Variants in MAF observed in about 807,000 individuals in gnomAD.
The protein encoded by MAF is MAF bZIP transcription factor, also known as transcription factor Maf.
A neutral mutation model predicts 22.0 loss-of-function variants in MAF; 10 were observed. The ratio of observed to expected loss-of-function variants is 0.45; its 90% CI spans 0.28 to 0.77. MAF has a LOEUF of 0.77. Ranked by LOEUF, MAF falls within the 30% of genes least tolerant of loss-of-function variation. The pLI is 0.12. For missense variants in MAF, 544 were observed against 548.4 expected (o/e 0.99, Z 0.08); for synonymous variants, 337 against 255.8 (o/e 1.32, Z -3.03).
At chr16:79,208,046 G>A in the MAF span, among the ~76,000 whole-genome samples, 3 of 152,182 alleles carry the variant, frequency 2.0e-5, no homozygotes. Context: ...TGTAGTTGAA[G>A]ATTGTGCTGC....
chr16:79,593,777 ATTTT>A (rs11307570), downstream of MAF: 1 of 172,514 alleles, frequency 5.8e-6, no homozygotes, highest in East Asian at 1.0e-4. Flanking sequence ...AAAGGAGGTG[ATTTT>A]TTTTTTTTTG....
chr16:79,415,600 C>G, the MAF span, among the ~76,000 whole-genome samples: 1 of 152,096 alleles, frequency 6.6e-6, no homozygotes, highest in African/African-American at 2.4e-5. Flanking sequence ...GATCACTTTT[C>G]CTTCTGCAGC....
At chr16:79,546,015 T>C in the MAF span, among the ~76,000 whole-genome samples, 4 of 152,052 alleles carry the variant, frequency 2.6e-5, no homozygotes, top group Non-Finnish European at 4.4e-5. Context: ...TTATACACCA[T>C]AAATATATAC....
the MAF span, among the ~76,000 whole-genome samples, chr16:79,411,657 A>G: frequency 1.2e-4 from 19 of 152,172 alleles, no homozygotes; most frequent in Non-Finnish European, 1.9e-4. Context: ...GATGCCAGAC[A>G]TCTGGCCAAC....
intron 1 of MAF, chr16:79,598,469 A>AAG: frequency 7.7e-7 from 1 of 1,304,686 alleles, no homozygotes; most frequent in Non-Finnish European, 9.8e-7. Context: ...AAAAAAAAAA[A>AAG]AACAAGCTAG....
the MAF span, among the ~76,000 whole-genome samples, chr16:79,480,256 C>G: frequency 1.3e-5 from 2 of 152,110 alleles, no homozygotes; most frequent in African/African-American, 2.4e-5. Context: ...CAATTAGTAA[C>G]ACGTTGTCGG....
At chr16:79,392,278 A>G in the MAF span, among the ~76,000 whole-genome samples, 4 of 142,034 alleles carry the variant, frequency 2.8e-5, no homozygotes, top group Admixed American at 1.4e-4. Flanking sequence ...AGGAGGAGAG[A>G]AGGAAGTGGG....
At chr16:79,349,018 C>T in the MAF span, among the ~76,000 whole-genome samples, 2 of 152,294 alleles carry the variant, frequency 1.3e-5, no homozygotes, top group East Asian at 1.9e-4. Flanking sequence ...GCTCTTCCCC[C>T]AGATGTGGTG....
At chr16:79,567,470 G>A in the MAF span, among the ~76,000 whole-genome samples, 1 of 152,126 alleles carries the variant, frequency 6.6e-6, no homozygotes, top group Non-Finnish European at 1.5e-5. Context: ...CAAGGCAAGG[G>A]ATTTTTTTGT....
chr16:79,298,331 T>A, the MAF span, among the ~76,000 whole-genome samples: 1 of 152,236 alleles, frequency 6.6e-6, no homozygotes, highest in African/African-American at 2.4e-5. Context: ...CTCCTGTCTA[T>A]CCTAAGTTTT....
the MAF span, among the ~76,000 whole-genome samples, chr16:79,233,760 G>A: frequency 8.6e-5 from 13 of 151,982 alleles, 1 homozygote; most frequent in South Asian, 2.1e-4. Flanking sequence ...TTGGGAGGCC[G>A]AGGCAAGCGG....
chr16:79,283,826 C>G, the MAF span, among the ~76,000 whole-genome samples: 1 of 152,140 alleles, frequency 6.6e-6, no homozygotes, highest in African/African-American at 2.4e-5. Context: ...TGGGCAGATG[C>G]ACCTGAACTT....
At chr16:79,304,318 C>G in the MAF span, among the ~76,000 whole-genome samples, 3 of 152,290 alleles carry the variant, frequency 2.0e-5, no homozygotes, top group South Asian at 2.1e-4. Context: ...TCCTGTAACA[C>G]GGGCTAATGA....
chr16:79,594,514 G>T lies in MAF; in HGVS notation c.1158C>A (p.Tyr386Ter). 2 of 1,566,584 alleles carry T rather than the reference G, an allele frequency of 1.3e-6. No individual in the cohort carries two copies. Among genetic ancestry groups the T allele is most frequent in the East Asian group, 2.3e-5 (1 of 42,908 alleles). ...GATGCTGGGGCTTCCAAAATGTGGC[G>T]TATCCCACTGATGGCTCCAACTTGC... Reference protein sequence around the residue: ...PTRKLEPSVGYATFWKPQHRV... With the variant: ...PTRKLEPSVG Residue 386 changes from tyrosine to a stop codon, truncating the protein, a stop_gained, in exon 2 of 2, where the codon TAC becomes TAA. Coordinates refer to ENST00000326043, the MANE Select transcript of MAF (RefSeq NM_005360.5). LOFTEE classifies it high-confidence loss of function.
chr16:79,442,765 G>A, the MAF span, among the ~76,000 whole-genome samples: 1 of 152,240 alleles, frequency 6.6e-6, no homozygotes, highest in Non-Finnish European at 1.5e-5. Flanking sequence ...TGGCTGAAGA[G>A]AGGCCTTGGA....
the MAF span, among the ~76,000 whole-genome samples, chr16:79,350,725 G>A: frequency 6.6e-6 from 1 of 152,150 alleles, no homozygotes; most frequent in Non-Finnish European, 1.5e-5. Context: ...GTATGGGAGG[G>A]ACCCTGCAGG....
chr16:79,332,552 G>T, the MAF span, among the ~76,000 whole-genome samples: 1 of 152,264 alleles, frequency 6.6e-6, no homozygotes, highest in East Asian at 1.9e-4. Flanking sequence ...ACCCACCTTG[G>T]CTTCCCAAAG....
the MAF span, among the ~76,000 whole-genome samples, chr16:79,306,174 T>C: frequency 9.9e-5 from 15 of 152,226 alleles, no homozygotes; most frequent in African/African-American, 3.4e-4. Context: ...TAAATTCCCC[T>C]GAAATGAGAC....
the MAF span, among the ~76,000 whole-genome samples, chr16:79,494,692 C>G: frequency 6.6e-6 from 1 of 152,120 alleles, no homozygotes. Flanking sequence ...CTAACCAATC[C>G]TCTAATTCTC....
Sources: gnomAD v4.1 joint callset for allele counts (sites outside exome capture counted in the v4.1 genomes callset) on GRCh38, gnomAD v4.1.1 for gene constraint, MANE v1.5 for transcripts, NCBI Gene and HGNC (gene_info 2026-07-23, HGNC 2026-07-21) for gene names.